The following UVRAG variants were observed in gnomAD, a reference collection of about 807,000 sequenced individuals.
UVRAG encodes UV radiation resistance associated, also known as UV radiation resistance-associated gene protein.
Under a neutral mutation model 78.0 loss-of-function variants are expected in UVRAG, and 19 were observed. That is an observed-to-expected ratio of 0.24 (90% CI 0.17 to 0.36). The LOEUF is 0.36. Among genes scored for constraint, UVRAG ranks in the 10% least tolerant of loss-of-function variants. The pLI is 1.00. For synonymous variants in UVRAG, 323 were observed against 324.6 expected, an observed-to-expected ratio of 1.00 and a Z score of 0.05; for missense variants, 740 against 853.8, an observed-to-expected ratio of 0.87 and a Z score of 1.66.
intron 13 of UVRAG, among the ~76,000 whole-genome samples, chr11:76,095,090 G>A (rs1004749377): frequency 1.3e-5 from 2 of 152,102 alleles, no homozygotes; most frequent in South Asian, 2.1e-4. Context: ...TGTACCTGAC[G>A]GTTCCCTCTC....
At chr11:76,043,769 C>T (rs1185230289) in intron 12 of UVRAG, among the ~76,000 whole-genome samples, 1 of 152,128 alleles carries the variant, frequency 6.6e-6, no homozygotes, top group African/African-American at 2.4e-5. Flanking sequence ...CAAATTATGA[C>T]ATACATATGT....
chr11:76,032,165 T>C (rs1317395426), intron 12 of UVRAG, among the ~76,000 whole-genome samples: 1 of 152,208 alleles, frequency 6.6e-6, no homozygotes, highest in African/African-American at 2.4e-5. Flanking sequence ...TGAAATTATT[T>C]TAACTTCCAA....
chr11:75,852,028 A>C (rs1408878871), intron 2 of UVRAG, 28 bp downstream of exon 2: 6 of 1,441,490 alleles, frequency 4.2e-6, no homozygotes, highest in African/African-American at 2.9e-5. Flanking sequence ...CTTACTACCC[A>C]CAGATTGTTA....
chr11:75,864,060 C>CTTT (rs748128698), intron 3 of UVRAG, among the ~76,000 whole-genome samples: 2 of 141,384 alleles, frequency 1.4e-5, no homozygotes, highest in African/African-American at 2.6e-5. Flanking sequence ...GTTCTATTAA[C>CTTT]TTTTTTTTTT....
At chr11:75,815,750 G>A (rs1945250550) in intron 1 of UVRAG, among the ~76,000 whole-genome samples, 1 of 152,152 alleles carries the variant, frequency 6.6e-6, no homozygotes, top group South Asian at 2.1e-4. Flanking sequence ...CAGGAGATGG[G>A]CTTGTTAAGG....
intron 13 of UVRAG, among the ~76,000 whole-genome samples, chr11:76,070,270 A>G (rs936911902): frequency 6.6e-6 from 1 of 152,196 alleles, no homozygotes; most frequent in Admixed American, 6.5e-5. Context: ...AACTAGAAAC[A>G]GAGAGTAGGA....
chr11:75,915,873 A>G (rs1947840411), intron 6 of UVRAG, among the ~76,000 whole-genome samples: 2 of 152,134 alleles, frequency 1.3e-5, no homozygotes, highest in Non-Finnish European at 2.9e-5. Context: ...TGCAATTTAG[A>G]ATTCTAACCA....
At position 75,842,465 on chromosome 11, in the gene UVRAG, G is replaced by A. The variant is rs1199171500; in HGVS notation, c.118-9418G>A. The stretch of plus-strand genomic sequence containing the variant: ...TTCTTTTTTTTTTTTTTTTTGAGAC[G>A]GAGTCTCACCCTGTCACCCAGGCTG... On this transcript the variant is annotated intron_variant, in intron 1 of 14. Transcript: ENST00000356136. Among the ~76,000 whole-genome samples, 14 of 137,196 alleles carry A rather than the reference G, an allele frequency of 1.0e-4. No homozygotes were observed. The South Asian group carries it at 1.1e-3, about 11-fold the overall frequency. 90.0% of individuals were successfully genotyped at this position (137,196 alleles called of 152,430 possible). A position where few individuals can be genotyped will look rare whatever the true frequency, so the allele number is the denominator to read the frequency against.
intron 12 of UVRAG, among the ~76,000 whole-genome samples, chr11:76,042,024 C>G (rs1778253584): frequency 6.6e-6 from 1 of 152,148 alleles, no homozygotes; most frequent in Non-Finnish European, 1.5e-5. Context: ...TTGTCAGAAT[C>G]TAGTAAAACG....
intron 12 of UVRAG, among the ~76,000 whole-genome samples, chr11:76,047,603 C>T (rs1346142828): frequency 6.6e-6 from 1 of 152,064 alleles, no homozygotes; most frequent in Non-Finnish European, 1.5e-5. Context: ...ATGTAGATTC[C>T]CGAATATAAA....
Position 75,967,632 on chromosome 11 carries a change from C to T in UVRAG, c.699+6083C>T, listed in dbSNP as rs548720173. Among the ~76,000 whole-genome samples, 12 of 152,226 alleles carry T rather than the reference C, an allele frequency of 7.9e-5. No individual in the cohort carries two copies. In the South Asian group the frequency reaches 2.1e-3, roughly 26 times the overall value. On this transcript the variant is annotated intron_variant, in intron 7 of 14. Transcript: ENST00000356136. ...AAAAATCTCAAAGAATTCAGTAATACATTTTTATGAAAAATAAGCATATTT... is the reference window on the plus strand; with the variant it reads ...AAAAATCTCAAAGAATTCAGTAATATATTTTTATGAAAAATAAGCATATTT...
chr11:75,940,342 T>TA (rs1478628708), intron 6 of UVRAG, among the ~76,000 whole-genome samples: 1 of 152,164 alleles, frequency 6.6e-6, no homozygotes, highest in Non-Finnish European at 1.5e-5. Context: ...AAGGTGACCT[T>TA]AATTGACTTA....
chr11:76,117,784 A>G (rs7930216), intron 14 of UVRAG, among the ~76,000 whole-genome samples: 9,140 of 152,230 alleles, frequency 0.06, 493 homozygotes, highest in African/African-American at 0.15. Flanking sequence ...CCCAGTTGCT[A>G]TTTTGCCCTC....
intron 4 of UVRAG, among the ~76,000 whole-genome samples, chr11:75,884,378 T>C: frequency 6.6e-6 from 1 of 152,144 alleles, no homozygotes; most frequent in East Asian, 1.9e-4. Flanking sequence ...TTCCAATATT[T>C]TCTGCCAGTT....
intron 2 of UVRAG, among the ~76,000 whole-genome samples, chr11:75,857,754 C>A (rs1290221684): frequency 1.3e-5 from 2 of 151,020 alleles, no homozygotes; most frequent in Non-Finnish European, 2.9e-5. Flanking sequence ...TCCCTAAGTG[C>A]TGGGATTACA....
intron 1 of UVRAG, among the ~76,000 whole-genome samples, chr11:75,821,553 C>T (rs1945389312): frequency 6.6e-6 from 1 of 152,184 alleles, no homozygotes; most frequent in Non-Finnish European, 1.5e-5. Flanking sequence ...ACTCTGGTCT[C>T]AAACTCTTGG....
chr11:75,923,543 G>A (rs966794551), intron 6 of UVRAG, among the ~76,000 whole-genome samples: 1 of 152,164 alleles, frequency 6.6e-6, no homozygotes. Flanking sequence ...TGCCTGAATT[G>A]TATGTGTCAG....
At chr11:75,884,726 G>A (rs566473805) in intron 4 of UVRAG, among the ~76,000 whole-genome samples, 1 of 152,218 alleles carries the variant, frequency 6.6e-6, no homozygotes, top group South Asian at 2.1e-4. Context: ...AATCATTTGT[G>A]TGGTTCTGTT....
chr11:75,875,537 T>G (rs1946752004), intron 3 of UVRAG, among the ~76,000 whole-genome samples: 1 of 152,044 alleles, frequency 6.6e-6, no homozygotes. Flanking sequence ...CTTGCCTCCT[T>G]CCTTAATCCA....
Sources: allele counts gnomAD v4.1 joint callset (sites outside exome capture counted in the v4.1 genomes callset), GRCh38; gene constraint gnomAD v4.1.1; transcripts MANE v1.5; gene names NCBI Gene and HGNC (gene_info 2026-07-23, HGNC 2026-07-21).